Variants in ESRP2 observed in about 807,000 individuals in gnomAD.
ESRP2 encodes the protein epithelial splicing regulatory protein 2, also known as RNA binding motif protein 35A.
In ESRP2, 48 loss-of-function variants were observed where a neutral mutation model predicts 78.6. The observed-to-expected ratio is 0.61, with a 90% CI of 0.48 to 0.78. The LOEUF is 0.78. ESRP2 is among the 30% of genes least tolerant of loss of function. The pLI, the probability that ESRP2 is intolerant of heterozygous loss-of-function variation, is 0.00. For synonymous variants in ESRP2, 383 were observed against 406.7 expected, an observed-to-expected ratio of 0.94 and a Z score of 0.70; for missense variants, 863 against 965.9, an observed-to-expected ratio of 0.89 and a Z score of 1.41.
rs1197199290 is a variant in ESRP2 at position 68,233,369 on chromosome 16, T to A, written c.613A>T (p.Thr205Ser). ...AGATGGAGGATAACAGCTACCATTG[T>A]CTTGACTTCCCAGACCCCAAAGTCA... is the stretch of plus-strand genomic sequence containing the variant. ...EDDFGVWEVK[T>S]MVAVILHLLK... The change falls in exon 5 of 15, where the codon ACA becomes TCA. Residue 205 changes from threonine (T) to serine (S), a missense_variant. By Grantham distance (58) the Thr-to-Ser change is moderately conservative. Transcript: ENST00000473183. 1 of 1,614,018 alleles carries A rather than the reference T, an allele frequency of 6.2e-7. No homozygotes were observed. The highest frequency in any genetic ancestry group is 1.3e-5 in the African/African-American group (1 of 74,894).
Position 68,230,433 on chromosome 16 carries a change from T to C in ESRP2, c.2020A>G (p.Thr674Ala), listed in dbSNP as rs758545181. ...CTGAGCAGATCCTTCATACCAGCCG[T>C]GTATGGGACACCCTGCATGCGGACC... ...ALVRMQGVPY[T>A]AGMKDLLSVF... The change falls in exon 14 of 15, where the codon ACG becomes GCG. Residue 674 changes from threonine (T) to alanine (A), a missense_variant. By Grantham distance (58) the Thr-to-Ala change is moderately conservative. Transcript: ENST00000473183. 6.2e-7 allele frequency: 1 copy of C among 1,613,218 alleles called. No individual in the cohort carries two copies. Among genetic ancestry groups the C allele is most frequent in the Non-Finnish European group, 8.5e-7 (1 of 1,179,476 alleles).
rs778640286 is a variant in ESRP2 at position 68,233,965 on chromosome 16, C to T, written c.441+29G>A. ...TCTGGGAACCTTACTGACCACCCCACCCCACCCGGTTTTCCTTCAGGAGCA... is the reference window on the plus strand; with the variant it reads ...TCTGGGAACCTTACTGACCACCCCATCCCACCCGGTTTTCCTTCAGGAGCA... On this transcript the variant is annotated intron_variant, in intron 3 of 14. Coordinates refer to ENST00000473183, the MANE Select transcript of ESRP2 (RefSeq NM_024939.3). 6.8e-6 allele frequency: 11 copies of T among 1,610,112 alleles called. No individual in the cohort carries two copies. The Admixed American group carries it at 1.7e-4, about 24-fold the overall frequency.
rs777020470 is a variant in ESRP2, at chr16:68,231,776, G to T, written c.1299+26C>A. 1 of 1,603,770 alleles carries T rather than the reference G, an allele frequency of 6.2e-7. No individual in the cohort carries two copies. The highest frequency in any genetic ancestry group is 2.2e-5 in the East Asian group (1 of 44,678). On this transcript the variant is annotated intron_variant, in intron 10 of 14. Transcript: ENST00000473183. The surrounding 1 kb of genome is among the most constrained non-coding windows in gnomAD (Gnocchi z 6.0). ...GCCGCCCTGGAGTAACAGTACATCT[G>T]GGGGTGGGGAGCCCTGGGCGCTCAC...
rs1163095463 is a variant in ESRP2, at chr16:68,233,796, C to G, written c.528G>C (p.Arg176Ser). 3.1e-6 allele frequency: 5 copies of G among 1,614,002 alleles called. No individual in the cohort carries two copies. Among genetic ancestry groups the G allele is most frequent in the Non-Finnish European group, 4.2e-6 (5 of 1,179,976 alleles). ...GTGCCATGGTGGCCACAGTGAGGTC[C>G]CTGGCAGGGCAGGTGCTTGGATGCT... ...HMQHPSTCPA[R>S]DLTVATMAQG... The change falls in exon 4 of 15, where the codon AGG becomes AGC. Residue 176 changes from arginine (R) to serine (S), a missense_variant. Coordinates refer to ENST00000473183, the MANE Select transcript of ESRP2 (RefSeq NM_024939.3).
At chr16:68,234,958 C>G (rs968624026) in intron 2 of ESRP2, 2 of 201,136 alleles carry the variant, frequency 9.9e-6, no homozygotes, top group Non-Finnish European at 1.8e-5. Flanking sequence ...AGGACTTACA[C>G]TAATTACACT....
Position 68,232,604 on chromosome 16 carries a change from C to A in ESRP2, c.794G>T (p.Arg265Leu), listed in dbSNP as rs748645452. 1 of 1,614,146 alleles carries A rather than the reference C, an allele frequency of 6.2e-7. No individual in the cohort carries two copies. The change falls in exon 7 of 15, where the codon CGC becomes CTC. Residue 265 changes from arginine (R) to leucine (L), a missense_variant. Transcript: ENST00000473183. The surrounding 1 kb of genome is among the most constrained non-coding windows in gnomAD (Gnocchi z 5.2). ...PWQSSDQDVA[R>L]FFKGLNVARG... is the part of the protein sequence containing the mutation. ...GGCCACGTTGAGCCCTTTGAAGAAG[C>A]GAGCCACGTCCTGGTCTGATGACTG... is the stretch of plus-strand genomic sequence containing the variant.
chr16:68,233,270 A>G, intron 5 of ESRP2, 57 bp downstream of exon 5: 1 of 1,163,992 alleles, frequency 8.6e-7, no homozygotes, highest in Non-Finnish European at 1.3e-6. Flanking sequence ...AGTGGGGAGG[A>G]GCAATAGGCA....
Position 68,231,230 on chromosome 16 carries a change from C to A in ESRP2, c.1659G>T (p.Met553Ile). ...CSTEEMSRVLMGGTLGRSGMS... is the reference protein window; with the variant it reads ...CSTEEMSRVLIGGTLGRSGMS... ...TGCCACTGCGGCCCAAGGTGCCCCC[C>A]ATCAGCACTCGGCTCATCTCCTCTG... is the stretch of plus-strand genomic sequence containing the variant. Residue 553 changes from methionine to isoleucine, a missense_variant, in exon 12 of 15, where the codon ATG (methionine) becomes ATT (isoleucine). Transcript: ENST00000473183. The surrounding 1 kb of genome is among the most constrained non-coding windows in gnomAD (Gnocchi z 6.0). The A allele has an allele frequency of 6.2e-7, 1 of 1,613,948 alleles. No individual in the cohort carries two copies.
chr16:68,230,455 G>A lies in ESRP2; in HGVS notation c.1998C>T (p.Val666=). 6.2e-7 allele frequency: 1 copy of A among 1,612,934 alleles called. No homozygotes were observed. Among genetic ancestry groups the A allele is most frequent in the African/African-American group, 1.3e-5 (1 of 75,052 alleles). ...CCGTGTATGGGACACCCTGCATGCGGACCAAGGCTCCTGACTGGGACAACA... is the reference window on the plus strand; with the variant it reads ...CCGTGTATGGGACACCCTGCATGCGAACCAAGGCTCCTGACTGGGACAACA... ...TSVLSQSGAL[V]RMQGVPYTAG... The change falls in exon 14 of 15, where the codon GTC becomes GTT. Residue 666 remains valine, a synonymous_variant. Transcript: ENST00000473183.
rs2042165216 is a variant in ESRP2, at chr16:68,232,863, G to C, written c.656-48C>G. 1 of 1,612,142 alleles carries C rather than the reference G, an allele frequency of 6.2e-7. No individual in the cohort carries two copies. Among genetic ancestry groups the C allele is most frequent in the African/African-American group, 1.3e-5 (1 of 74,912 alleles). ...TCAGCAGGGTCTGGTGGAGAGGGGTGTCCCCACCAAGTTCTGCAAAAAGTG... is the reference window on the plus strand; with the variant it reads ...TCAGCAGGGTCTGGTGGAGAGGGGTCTCCCCACCAAGTTCTGCAAAAAGTG... On this transcript the variant is annotated intron_variant, in intron 5 of 14. Coordinates refer to ENST00000473183, the MANE Select transcript of ESRP2 (RefSeq NM_024939.3). This position sits in a 1 kb window ranked among gnomAD's most constrained non-coding sequence, Gnocchi z 5.2.
In ESRP2 at chr16:68,232,128, C is replaced by G; in HGVS notation, c.998-25G>C. 6.2e-7 allele frequency: 1 copy of G among 1,609,848 alleles called. No homozygotes were observed. The highest frequency in any genetic ancestry group is 1.1e-5 in the South Asian group (1 of 90,768). ...CCTGTGTATGAGAGTCGCCTGCTGACTTCACTCATGCTCCTCCAGACACTC... is the reference window on the plus strand; with the variant it reads ...CCTGTGTATGAGAGTCGCCTGCTGAGTTCACTCATGCTCCTCCAGACACTC... On this transcript the variant is annotated intron_variant, in intron 9 of 14. Coordinates refer to ENST00000473183, the MANE Select transcript of ESRP2 (RefSeq NM_024939.3). The surrounding 1 kb of genome is among the most constrained non-coding windows in gnomAD (Gnocchi z 5.2).
rs2042105075 is a variant in ESRP2, at chr16:68,230,049, G to A, written c.*177C>T. 4.7e-6 allele frequency: 3 copies of A among 635,666 alleles called. No homozygotes were observed. The highest frequency in any genetic ancestry group is 1.8e-5 in the African/African-American group (1 of 54,794). 39.4% of individuals were successfully genotyped at this position (635,666 alleles called of 1,614,324 possible). On this transcript the variant is annotated 3_prime_UTR_variant, in exon 15 of 15. Coordinates refer to ENST00000473183, the MANE Select transcript of ESRP2 (RefSeq NM_024939.3). ...ATGCAGGGTCCAGCCATTGTCTTTG[G>A]GGGAAACAGGCAGAATAAGTGGAGG...
rs767631698 is a variant in ESRP2, at chr16:68,234,035, G to C, written c.400C>G (p.Gln134Glu). 3.7e-6 allele frequency: 6 copies of C among 1,613,976 alleles called. No homozygotes were observed. Among genetic ancestry groups the C allele is most frequent in the Non-Finnish European group, 5.1e-6 (6 of 1,179,998 alleles). ...GGGTGCAGGACCTGTCGCAATAGCT[G>C]CTGCCCATCAGTGCAGAGCATGTAG... The part of the protein sequence containing the change: ...GPYMLCTDGQ[Q>E]LLRQVLHPEA... The change falls in exon 3 of 15, where the codon CAG (glutamine) becomes GAG (glutamate). Residue 134 changes from glutamine (Q) to glutamate (E), a missense_variant. By Grantham distance (29) the Gln-to-Glu change is conservative (BLOSUM62 2). Coordinates refer to ENST00000473183, the MANE Select transcript of ESRP2 (RefSeq NM_024939.3).
chr16:68,231,592 G>A lies in ESRP2; in HGVS notation c.1402C>T (p.Arg468Cys), dbSNP rs778537506. The A allele has an allele frequency of 4.3e-6, 7 of 1,614,036 alleles. No homozygotes were observed. Among genetic ancestry groups the A allele is most frequent in the South Asian group, 2.2e-5 (2 of 91,078 alleles). The change falls in exon 11 of 15, where the codon CGC becomes TGC. Residue 468 changes from arginine (R) to cysteine (C), a missense_variant. Transcript: ENST00000473183. This position sits in a 1 kb window ranked among gnomAD's most constrained non-coding sequence, Gnocchi z 6.0. ...GCCGTGTAGGGCAGGCCTCGGAGGCGTACACAGTCCCTCCCAGTCCCAGGT... is the reference window on the plus strand; with the variant it reads ...GCCGTGTAGGGCAGGCCTCGGAGGCATACACAGTCCCTCCCAGTCCCAGGT... Reference protein sequence around the residue: ...LAPGTGRDCVRLRGLPYTATI... With the variant: ...LAPGTGRDCVCLRGLPYTATI...
At chr16:68,233,673 G>T in intron 4 of ESRP2, 95 bp downstream of exon 4, 1 of 912,142 alleles carries the variant, frequency 1.1e-6, no homozygotes, top group Non-Finnish European at 1.8e-6. Flanking sequence ...ACGCAGTCTT[G>T]TATGTGTCCA....
Position 68,231,832 on chromosome 16 carries a change from G to C in ESRP2, c.1269C>G (p.Leu423=). The C allele has an allele frequency of 6.2e-7, 1 of 1,613,262 alleles. No individual in the cohort carries two copies. Among genetic ancestry groups the C allele is most frequent in the Non-Finnish European group, 8.5e-7 (1 of 1,179,326 alleles). ...GCACTTCGGCTGCAGTGCTCCGGAA[G>C]AGTTCAATGTATCGCTTACCCAGCA... is the stretch of plus-strand genomic sequence containing the variant. ...KGMLGKRYIE[L]FRSTAAEVQQ... is the part of the protein sequence containing the mutation. Residue 423 remains leucine, a synonymous_variant, in exon 10 of 15, where the codon CTC becomes CTG. Transcript: ENST00000473183. The surrounding 1 kb of genome is among the most constrained non-coding windows in gnomAD (Gnocchi z 6.0).
At chr16:68,230,702 G>A (rs892228952) in intron 13 of ESRP2, 139 bp downstream of exon 13, 4 of 1,430,746 alleles carry the variant, frequency 2.8e-6, no homozygotes, top group African/African-American at 2.8e-5. Flanking sequence ...GATCTGTTTT[G>A]TAGATGGCAT....
Position 68,230,858 on chromosome 16 carries a change from G to A in ESRP2, c.1881C>T (p.Tyr627=), listed in dbSNP as rs139416619. 38 of 1,613,966 alleles carry A rather than the reference G, an allele frequency of 2.4e-5. No individual in the cohort carries two copies. Among genetic ancestry groups the A allele is most frequent in the Non-Finnish European group, 3.1e-5 (37 of 1,179,982 alleles). Residue 627 remains tyrosine, a synonymous_variant, in exon 13 of 15, where the codon TAC becomes TAT. Coordinates refer to ENST00000473183, the MANE Select transcript of ESRP2 (RefSeq NM_024939.3). ...CAGGGTACCTTGGGTAGTAGGCTGT[G>A]TAGTTCAGGTAGAGTTGAGTGGCTG... ...PGPATQLYLN[Y]TAYYPSPPVS... is the part of the protein sequence containing the mutation.
At position 68,235,830 on chromosome 16, in the gene ESRP2, G is replaced by A; in HGVS notation, c.198+18C>T. 1 of 1,611,246 alleles carries A rather than the reference G, an allele frequency of 6.2e-7. No individual in the cohort carries two copies. Among genetic ancestry groups the A allele is most frequent in the Non-Finnish European group, 8.5e-7 (1 of 1,179,220 alleles). ...CCGGAAGCTCCCTGGGGACCTCACC[G>A]CCTCTTTTCCACCCTACCTGGCGGC... On this transcript the variant is annotated intron_variant, in intron 1 of 14. Transcript: ENST00000473183. The surrounding 1 kb of genome is among the most constrained non-coding windows in gnomAD (Gnocchi z 5.5).
Sources: allele counts gnomAD v4.1 joint callset, GRCh38; gene constraint gnomAD v4.1.1; non-coding constraint Gnocchi (gnomAD v3.1); transcripts MANE v1.5; gene names NCBI Gene and HGNC (gene_info 2026-07-23, HGNC 2026-07-21).